Variants in ZNF782 observed in about 807,000 individuals in gnomAD.
ZNF782 encodes the protein zinc finger protein 782.
A neutral mutation model predicts 13.0 loss-of-function variants in ZNF782; 12 were observed. The ratio of observed to expected loss-of-function variants is 0.92; its 90% CI spans 0.59 to 1.50. The LOEUF is 1.50. Ranked by LOEUF, ZNF782 falls within the 40% of genes most tolerant of loss-of-function variation. The pLI is 0.00. For synonymous variants in ZNF782, 284 were observed against 283.0 expected (o/e 1.00, Z -0.04); for missense variants, 770 against 822.9 (o/e 0.94, Z 0.79).
upstream of ZNF782, chr9:96,854,551 C>G (rs1851609723): frequency 6.6e-6 from 1 of 152,296 alleles, no homozygotes; most frequent in African/African-American, 2.4e-5. Flanking sequence ...GGAGCCCCAT[C>G]CCAGAGTGCT....
chr9:96,887,286 A>AAAGGAAGGAAGGAAGGAAGGAAGGAAGG, the ZNF782 span: 6 of 121,942 alleles, frequency 4.9e-5, no homozygotes, highest in East Asian at 2.4e-4. Flanking sequence ...TGCAAAAAAG[A>AAAGGAAGGAAGGAAGGAAGGAAGGAAGG]AAGGAAGGAA....
At chr9:96,819,910 T>A in intron 5 of ZNF782, 132 bp from the exon 6 acceptor site, 1 of 731,246 alleles carries the variant, frequency 1.4e-6, no homozygotes, top group Non-Finnish European at 1.9e-6. Context: ...AACAATAAAG[T>A]AATTTCAAGT....
the ZNF782 span, among the ~76,000 whole-genome samples, chr9:96,906,215 A>T: frequency 2.6e-5 from 4 of 152,058 alleles, no homozygotes; most frequent in Admixed American, 6.5e-5. Context: ...AACTTGATTT[A>T]TCCTGCTATA....
rs1220059436 is a variant in ZNF782 at position 96,818,026 on chromosome 9, C to A, written c.1997G>T (p.Arg666Ile). The A allele has an allele frequency of 3.7e-6, 6 of 1,613,842 alleles. No individual in the cohort carries two copies. The highest frequency in any genetic ancestry group is 1.3e-5 in the African/African-American group (1 of 74,878). The change falls in exon 6 of 6, where the codon AGA becomes ATA. Residue 666 changes from arginine to isoleucine, a missense_variant. Transcript: ENST00000481138. The stretch of plus-strand genomic sequence containing the variant: ...ATAGGGTTTCTCCCCTGTGTGAGTT[C>A]TCTGATGTACTCTGAGATTGGATTT... ...SQKSNLRVHQ[R>I]THTGEKPYKC...
At chr9:96,927,448 T>C in the ZNF782 span, among the ~76,000 whole-genome samples, 1 of 151,872 alleles carries the variant, frequency 6.6e-6, no homozygotes. Context: ...TAATGGCTAC[T>C]CCTGACTTCC....
chr9:96,929,377 C>T, the ZNF782 span, among the ~76,000 whole-genome samples: 43 of 151,840 alleles, frequency 2.8e-4, no homozygotes, highest in East Asian at 7.9e-3. Flanking sequence ...GGGAGAATGA[C>T]GGGCAAGCCT....
chr9:96,917,907 T>C, the ZNF782 span, among the ~76,000 whole-genome samples: 3,578 of 147,982 alleles, frequency 0.024, 193 homozygotes, highest in East Asian at 0.25. Flanking sequence ...TGTGTGTGTG[T>C]GTGTGTGTGT....
intron 3 of ZNF782, among the ~76,000 whole-genome samples, chr9:96,846,849 A>G (rs879406297): frequency 7.9e-5 from 12 of 152,190 alleles, no homozygotes; most frequent in Non-Finnish European, 1.6e-4. Flanking sequence ...AACTTAACAG[A>G]TATTTACAAA....
chr9:96,912,963 T>A, the ZNF782 span, among the ~76,000 whole-genome samples: 6 of 151,912 alleles, frequency 3.9e-5, no homozygotes, highest in African/African-American at 1.2e-4. Flanking sequence ...AGTTGCAATA[T>A]ACCAGAGAGA....
At chr9:96,926,407 C>A in the ZNF782 span, among the ~76,000 whole-genome samples, 1 of 152,226 alleles carries the variant, frequency 6.6e-6, no homozygotes, top group African/African-American at 2.4e-5. Flanking sequence ...GGTAAGTTTA[C>A]CATGATTTTG....
chr9:96,821,466 A>G (rs1182202151), intron 5 of ZNF782, among the ~76,000 whole-genome samples: 1 of 152,198 alleles, frequency 6.6e-6, no homozygotes, highest in African/African-American at 2.4e-5. Context: ...TATAAGGAAC[A>G]TTTATTTAAA....
chr9:96,852,013 G>C lies in ZNF782; in HGVS notation c.-44-8C>G, dbSNP rs778470727. 6.3e-7 allele frequency: 1 copy of C among 1,584,806 alleles called. No homozygotes were observed. The highest frequency in any genetic ancestry group is 1.7e-5 in the Admixed American group (1 of 59,824). On this transcript the variant is annotated splice_region_variant and splice_polypyrimidine_tract_variant and intron_variant, in intron 2 of 5. Coordinates refer to ENST00000481138, the MANE Select transcript of ZNF782 (RefSeq NM_001001662.3). ...AGAACTGTAAAGCCTCAGCTGGGGG[G>C]ACAGAAAGAGGATGTCACACGGTCT... is the stretch of plus-strand genomic sequence containing the variant.
At chr9:96,829,638 G>A (rs766663107) in intron 4 of ZNF782, among the ~76,000 whole-genome samples, 12 of 151,960 alleles carry the variant, frequency 7.9e-5, no homozygotes, top group African/African-American at 2.4e-4. Context: ...ACAGAACACC[G>A]ATCCAAAAGG....
intron 2 of ZNF782, 58 bp from the exon 3 acceptor site, chr9:96,852,063 A>G (rs1432171375): frequency 1.7e-6 from 2 of 1,190,390 alleles, no homozygotes; most frequent in Non-Finnish European, 2.5e-6. Context: ...CTCCTAGATT[A>G]GCCTCCCCAA....
At chr9:96,869,201 A>G (rs1851795698) in intron 1 of ZNF782, among the ~76,000 whole-genome samples, 1 of 152,130 alleles carries the variant, frequency 6.6e-6, no homozygotes, top group African/African-American at 2.4e-5. Context: ...CCTTTTTGGC[A>G]TGTAGTTTAT....
At chr9:96,881,898 G>A in the ZNF782 span, among the ~76,000 whole-genome samples, 10 of 151,412 alleles carry the variant, frequency 6.6e-5, no homozygotes, top group South Asian at 4.2e-4. Context: ...GGTTATTTAC[G>A]TCTTCTGCAT....
chr9:96,833,037 T>G (rs1388620153), intron 4 of ZNF782, among the ~76,000 whole-genome samples: 1 of 152,174 alleles, frequency 6.6e-6, no homozygotes, highest in South Asian at 2.1e-4. Context: ...TATTGTTCTG[T>G]CATAAAGTTC....
At chr9:96,901,160 G>A in the ZNF782 span, among the ~76,000 whole-genome samples, 1 of 150,946 alleles carries the variant, frequency 6.6e-6, no homozygotes, top group Admixed American at 6.6e-5. Flanking sequence ...ACTCCGTCTC[G>A]GGGTGGAAAA....
At chr9:96,873,703 C>T (rs773100177) in intron 1 of ZNF782, among the ~76,000 whole-genome samples, 1 of 152,244 alleles carries the variant, frequency 6.6e-6, no homozygotes, top group Admixed American at 6.5e-5. Context: ...GTCTCACACA[C>T]ACACACAAAA....
Sources: gnomAD v4.1 joint callset for allele counts (sites outside exome capture counted in the v4.1 genomes callset) on GRCh38, gnomAD v4.1.1 for gene constraint, MANE v1.5 for transcripts, NCBI Gene and HGNC (gene_info 2026-07-23, HGNC 2026-07-21) for gene names.